The following RBL1 variants were observed in gnomAD, a reference collection of about 807,000 sequenced individuals.
RBL1 encodes the protein RB transcriptional corepressor like 1.
Under a neutral mutation model 123.0 loss-of-function variants are expected in RBL1, and 82 were observed. That is an observed-to-expected ratio of 0.67 (90% CI 0.56 to 0.80). RBL1 has a LOEUF of 0.80. Among genes scored for constraint, RBL1 ranks in the 30% least tolerant of loss-of-function variants. The pLI, the probability that RBL1 is intolerant of heterozygous loss-of-function variation, is 0.00. For synonymous variants in RBL1, 405 were observed against 441.3 expected (o/e 0.92, Z 1.03); for missense variants, 1,171 against 1,299.6 (o/e 0.90, Z 1.52).
chr20:37,085,385 C>T (rs1331288707), intron 2 of RBL1, among the ~76,000 whole-genome samples: 1 of 152,068 alleles, frequency 6.6e-6, no homozygotes, highest in Non-Finnish European at 1.5e-5. Flanking sequence ...ATCCACCCGC[C>T]TCAGCCTCCC....
rs1042938055 is a variant in RBL1 at position 37,088,975 on chromosome 20, T to C, written c.290+14A>G. 4 of 1,540,406 alleles carry C rather than the reference T, an allele frequency of 2.6e-6. No individual in the cohort carries two copies. Among genetic ancestry groups the C allele is most frequent in the Non-Finnish European group, 3.5e-6 (4 of 1,141,128 alleles). ...AGAGCTTATATAACATTTAAAAACA[T>C]CAAAGAGGTTTACCTTAATTTAGCT... is the stretch of plus-strand genomic sequence containing the variant. On this transcript the variant is annotated intron_variant, in intron 2 of 21. Coordinates refer to ENST00000373664, the MANE Select transcript of RBL1 (RefSeq NM_002895.5).
intron 17 of RBL1, 117 bp downstream of exon 17, chr20:37,022,533 C>T (rs1460611298): frequency 1.1e-6 from 1 of 933,238 alleles, no homozygotes; most frequent in African/African-American, 1.6e-5. Context: ...CACCATGTTG[C>T]CCAAGCTGGT....
chr20:37,038,691 C>G (rs977467281), intron 14 of RBL1, among the ~76,000 whole-genome samples: 2 of 150,374 alleles, frequency 1.3e-5, no homozygotes, highest in Non-Finnish European at 3.0e-5. Context: ...CAACCTCTGC[C>G]TCCCGGGTTC....
Position 37,068,327 on chromosome 20 carries a change from AC to A in RBL1, c.291-142del, listed in dbSNP as rs2065217037. 2.3e-6 allele frequency: 3 copies of A among 1,277,532 alleles called. No homozygotes were observed. In the Admixed American group the frequency reaches 9.0e-5, roughly 38 times the overall value. The allele number at this position is 1,277,532 out of a possible 1,614,324, so 79.1% of individuals were successfully genotyped here. Reference sequence around the variant, plus strand: ...GCAACATAGTTAAGACCCCATCTCTACAAAAATTTAAAAAATTAGCTGGGTG... The same window carrying A: ...GCAACATAGTTAAGACCCCATCTCTAAAAAATTTAAAAAATTAGCTGGGTG... On this transcript the variant is annotated intron_variant, in intron 2 of 21. Transcript: ENST00000373664.
intron 11 of RBL1, 48 bp downstream of exon 11, chr20:37,055,505 G>C: frequency 1.2e-6 from 2 of 1,612,470 alleles, no homozygotes; most frequent in Non-Finnish European, 1.7e-6. Context: ...ACTGCTTCCA[G>C]GCTGACTTTT....
intron 19 of RBL1, among the ~76,000 whole-genome samples, chr20:37,007,842 C>T (rs1253835372): frequency 1.3e-5 from 2 of 152,080 alleles, no homozygotes; most frequent in Non-Finnish European, 2.9e-5. Flanking sequence ...CCACCAGCCT[C>T]AGCCTCTCAA....
At chr20:37,030,845 ACT>A (rs1289583744) in intron 16 of RBL1, among the ~76,000 whole-genome samples, 1 of 147,306 alleles carries the variant, frequency 6.8e-6, no homozygotes, top group East Asian at 2.0e-4. Flanking sequence ...ACAGAGTGAG[ACT>A]CTGTCTCAAA....
intron 14 of RBL1, among the ~76,000 whole-genome samples, chr20:37,039,033 G>C (rs1156605889): frequency 2.0e-5 from 3 of 152,146 alleles, no homozygotes; most frequent in African/African-American, 7.2e-5. Flanking sequence ...GTTCATCTAA[G>C]ATTTGTTAAG....
chr20:36,999,224 T>A (rs983738076), intron 21 of RBL1, among the ~76,000 whole-genome samples: 4 of 151,904 alleles, frequency 2.6e-5, no homozygotes, highest in African/African-American at 9.7e-5. Flanking sequence ...CTGGGCAACA[T>A]GGCAAACCTG....
chr20:37,012,539 G>A (rs1185910346), intron 19 of RBL1, among the ~76,000 whole-genome samples: 2 of 149,814 alleles, frequency 1.3e-5, no homozygotes, highest in African/African-American at 4.9e-5. Flanking sequence ...TGTGAGGAGC[G>A]CCTCTACCCG....
At chr20:37,005,882 T>G (rs943612815) in intron 20 of RBL1, among the ~76,000 whole-genome samples, 1 of 133,736 alleles carries the variant, frequency 7.5e-6, no homozygotes, top group Admixed American at 7.4e-5. Context: ...CTTTTCTTTT[T>G]TTTTTTTCTT....
intron 20 of RBL1, 113 bp downstream of exon 20, chr20:37,007,298 G>A (rs1478059314): frequency 5.4e-6 from 6 of 1,107,610 alleles, no homozygotes; most frequent in Admixed American, 2.2e-5. Context: ...TACTGGACAT[G>A]CTCTGATTAA....
intron 2 of RBL1, among the ~76,000 whole-genome samples, chr20:37,070,071 G>A (rs1363657348): frequency 6.6e-6 from 1 of 152,242 alleles, no homozygotes; most frequent in Non-Finnish European, 1.5e-5. Context: ...AATGGTTGCC[G>A]TGTCTGTGTA....
chr20:37,083,712 G>A (rs962875534), intron 2 of RBL1, among the ~76,000 whole-genome samples: 1 of 149,050 alleles, frequency 6.7e-6, no homozygotes, highest in Non-Finnish European at 1.5e-5. Context: ...GGCTGAGGCA[G>A]GAGAATCACT....
At chr20:37,036,533 T>C (rs1043899459) in intron 14 of RBL1, among the ~76,000 whole-genome samples, 1 of 152,092 alleles carries the variant, frequency 6.6e-6, no homozygotes, top group Non-Finnish European at 1.5e-5. Context: ...CTGCCTCATT[T>C]GGGATTACAA....
intron 11 of RBL1, among the ~76,000 whole-genome samples, chr20:37,051,758 C>G (rs1440342948): frequency 6.7e-6 from 1 of 150,366 alleles, no homozygotes; most frequent in East Asian, 2.0e-4. Context: ...AATAAAATGG[C>G]AGACTTAAGT....
At chr20:37,034,376 A>ATT (rs113851982) in intron 15 of RBL1, among the ~76,000 whole-genome samples, 21 of 148,956 alleles carry the variant, frequency 1.4e-4, no homozygotes, top group African/African-American at 3.7e-4. Flanking sequence ...AAAAAAAAGC[A>ATT]TTTTTTTTTT....
Position 37,025,333 on chromosome 20 carries a change from A to C in RBL1, c.2383-2507T>G, listed in dbSNP as rs561951906. 5.3e-5 allele frequency among the ~76,000 whole-genome samples: 8 copies of C among 152,224 alleles called. No individual in the cohort carries two copies. The South Asian group carries it at 1.5e-3, about 28-fold the overall frequency. On this transcript the variant is annotated intron_variant, in intron 16 of 21. Transcript: ENST00000373664. ...CCAGGAGTTTGAAACCATCCTAAGC[A>C]ACATAGCGAAACCCCTTCTCTACAA...
intron 15 of RBL1, among the ~76,000 whole-genome samples, 155 bp from the exon 16 acceptor site, chr20:37,033,031 T>C (rs1411213474): frequency 6.6e-6 from 1 of 151,434 alleles, no homozygotes; most frequent in Non-Finnish European, 1.5e-5. Flanking sequence ...TTTTTTTTTT[T>C]TTTTGAGACA....
Sources: allele counts gnomAD v4.1 joint callset (sites outside exome capture counted in the v4.1 genomes callset), GRCh38; gene constraint gnomAD v4.1.1; transcripts MANE v1.5; gene names NCBI Gene and HGNC (gene_info 2026-07-23, HGNC 2026-07-21).